The following ELMOD1 variants were observed in gnomAD, a reference collection of about 807,000 sequenced individuals.
ELMOD1 encodes ELMO domain-containing protein 1.
In ELMOD1, 21 loss-of-function variants were observed where a neutral mutation model predicts 46.7. That is an observed-to-expected ratio of 0.45 (90% confidence interval 0.32 to 0.65). ELMOD1 has a LOEUF of 0.65. Ranked by LOEUF, ELMOD1 falls within the 30% of genes least tolerant of loss-of-function variation. The pLI is 0.04. For missense variants in ELMOD1, 348 were observed against 407.8 expected (o/e 0.85, Z 1.26); for synonymous variants, 122 against 138.2 (o/e 0.88, Z 0.82).
intron 2 of ELMOD1, among the ~76,000 whole-genome samples, 180 bp from the exon 3 acceptor site, chr11:107,630,237 C>A (rs1457923950): frequency 6.6e-6 from 1 of 152,204 alleles, no homozygotes; most frequent in Non-Finnish European, 1.5e-5. Flanking sequence ...GAGTTTCTTA[C>A]AGTCATAGTA....
intron 5 of ELMOD1, among the ~76,000 whole-genome samples, chr11:107,633,387 G>A (rs1565381353): frequency 6.6e-6 from 1 of 152,106 alleles, no homozygotes; most frequent in Admixed American, 6.6e-5. Flanking sequence ...TTTAAGTGCT[G>A]CTTATGGTGG....
intron 1 of ELMOD1, among the ~76,000 whole-genome samples, chr11:107,605,463 A>T (rs1865669830): frequency 6.6e-6 from 1 of 152,184 alleles, no homozygotes; most frequent in Non-Finnish European, 1.5e-5. Context: ...AGCCTTCAAA[A>T]GTGCTGGGAT....
intron 1 of ELMOD1, among the ~76,000 whole-genome samples, chr11:107,595,348 G>A (rs1591094663): frequency 1.3e-5 from 2 of 152,046 alleles, no homozygotes; most frequent in African/African-American, 4.8e-5. Context: ...GCAGAAAACA[G>A]TTCTACTTCA....
At chr11:107,602,610 C>G (rs1191225165) in intron 1 of ELMOD1, among the ~76,000 whole-genome samples, 1 of 151,866 alleles carries the variant, frequency 6.6e-6, no homozygotes, top group Non-Finnish European at 1.5e-5. Context: ...TTAAAGTTCC[C>G]TTTTATTGAT....
chr11:107,652,202 A>G (rs1866537824), intron 9 of ELMOD1, among the ~76,000 whole-genome samples: 1 of 152,226 alleles, frequency 6.6e-6, no homozygotes, highest in South Asian at 2.1e-4. Flanking sequence ...TGATTATGAT[A>G]TCAACGTAGG....
At chr11:107,653,290 A>T (rs1866557612) in intron 9 of ELMOD1, 1 of 152,196 alleles carries the variant, frequency 6.6e-6, no homozygotes, top group East Asian at 1.9e-4. Flanking sequence ...GTGAGCTGAG[A>T]TTGCACCACC....
chr11:107,602,025 T>G (rs148724749), intron 1 of ELMOD1, among the ~76,000 whole-genome samples: 1 of 152,318 alleles, frequency 6.6e-6, no homozygotes, highest in East Asian at 1.9e-4. Context: ...GTGGAAAGCT[T>G]TCTTTGGAAG....
intron 1 of ELMOD1, among the ~76,000 whole-genome samples, chr11:107,608,919 A>G (rs12281067): frequency 0.12 from 18,679 of 152,116 alleles, 1,430 homozygotes; most frequent in African/African-American, 0.22. Context: ...TCTCATGTCA[A>G]TCCAGAGGTT....
At chr11:107,640,841 G>A (rs528214956) in intron 6 of ELMOD1, among the ~76,000 whole-genome samples, 21 of 152,238 alleles carry the variant, frequency 1.4e-4, no homozygotes, top group African/African-American at 4.8e-4. Context: ...TTAGGACACT[G>A]AATTATAACA....
In ELMOD1 at chr11:107,665,236, C is replaced by A. The variant is rs760786319; in HGVS notation, c.*39C>A. ...TTTTAATGGATACCCTGGAACACTGCCTCATTGTCTTGTTAGATCTCTGCT... is the reference window on the plus strand; with the variant it reads ...TTTTAATGGATACCCTGGAACACTGACTCATTGTCTTGTTAGATCTCTGCT... On this transcript the variant is annotated 3_prime_UTR_variant, in exon 12 of 12. Transcript: ENST00000265840. 3.8e-6 allele frequency: 6 copies of A among 1,595,894 alleles called. No homozygotes were observed. The South Asian group carries it at 6.8e-5, about 18-fold the overall frequency.
intron 6 of ELMOD1, among the ~76,000 whole-genome samples, chr11:107,639,680 A>C (rs1187428254): frequency 3.3e-5 from 5 of 152,224 alleles, no homozygotes; most frequent in Non-Finnish European, 5.9e-5. Flanking sequence ...AGAGTTCAGC[A>C]GAGAGAGCAG....
rs1866123353 is a variant in ELMOD1, at chr11:107,630,797, A to C, written c.192+69A>C. On this transcript the variant is annotated intron_variant, in intron 4 of 11. Transcript: ENST00000265840. Reference sequence around the variant, plus strand: ...CTTACCTTTATCATAAGAAGTAAAAATTCTAAGAAACCAAAATATACCACT... The same window carrying C: ...CTTACCTTTATCATAAGAAGTAAAACTTCTAAGAAACCAAAATATACCACT... 2.7e-6 allele frequency: 4 copies of C among 1,504,852 alleles called. No individual in the cohort carries two copies. In the Admixed American group the frequency reaches 8.9e-5, roughly 33 times the overall value. The allele number at this position is 1,504,852 out of a possible 1,614,324, so 93.2% of individuals were successfully genotyped here.
At chr11:107,618,652 C>T (rs981494292) in intron 2 of ELMOD1, among the ~76,000 whole-genome samples, 3 of 152,062 alleles carry the variant, frequency 2.0e-5, no homozygotes, top group Admixed American at 6.6e-5. Flanking sequence ...ATTTTGTGGG[C>T]GGTCAAACTA....
chr11:107,643,459 C>A (rs370294155), intron 6 of ELMOD1: 23 of 296,190 alleles, frequency 7.8e-5, no homozygotes, highest in Admixed American at 1.3e-4. Context: ...TTTATACTAA[C>A]CCTGCTGGGG....
chr11:107,651,111 A>C (rs976026934), intron 9 of ELMOD1, among the ~76,000 whole-genome samples: 1 of 152,192 alleles, frequency 6.6e-6, no homozygotes, highest in Non-Finnish European at 1.5e-5. Context: ...GAAAATGTCA[A>C]ACAGTCTTTC....
chr11:107,632,980 G>A (rs905757851), intron 5 of ELMOD1, among the ~76,000 whole-genome samples: 1 of 152,134 alleles, frequency 6.6e-6, no homozygotes, highest in African/African-American at 2.4e-5. Flanking sequence ...AGATTCCATA[G>A]CTGACTTCAT....
chr11:107,642,180 G>A (rs750717429), intron 6 of ELMOD1, among the ~76,000 whole-genome samples: 1 of 151,922 alleles, frequency 6.6e-6, no homozygotes, highest in Non-Finnish European at 1.5e-5. Flanking sequence ...CTGACCTCAT[G>A]ATCCACCTGC....
At position 107,593,592 on chromosome 11, in the gene ELMOD1, C is replaced by T. The variant is rs1565365580; in HGVS notation, c.-86+2183C>T. Among the ~76,000 whole-genome samples, 4 of 152,194 alleles carry T rather than the reference C, an allele frequency of 2.6e-5. No individual in the cohort carries two copies. The South Asian group carries it at 6.2e-4, about 24-fold the overall frequency. On this transcript the variant is annotated intron_variant, in intron 1 of 11. Transcript: ENST00000265840. ...AAATCCCCAGGTGCATTAAAGGAAGCGTTCTCCGAGTCCTCTGAGAATTTT... is the reference window on the plus strand; with the variant it reads ...AAATCCCCAGGTGCATTAAAGGAAGTGTTCTCCGAGTCCTCTGAGAATTTT...
chr11:107,608,018 T>TA lies in ELMOD1; in HGVS notation c.-85-10072dup, dbSNP rs34472766. Among the ~76,000 whole-genome samples, 465 of 83,336 alleles carry TA rather than the reference T, an allele frequency of 5.6e-3. 2 individuals carry two copies. The highest frequency in any genetic ancestry group is 7.4e-3 in the African/African-American group (197 of 26,778). The allele number at this position is 83,336 out of a possible 152,430, so 54.7% of individuals were successfully genotyped here. ...GTTTTGTTTTGTTTTTCATTAGTGC[T>TA]AAAAAAAAAAAAAAAGAAAAAAAAA... On this transcript the variant is annotated intron_variant, in intron 1 of 11. Transcript: ENST00000265840.
Sources: allele counts gnomAD v4.1 joint callset (sites outside exome capture counted in the v4.1 genomes callset), GRCh38; gene constraint gnomAD v4.1.1; transcripts MANE v1.5; gene names NCBI Gene and HGNC (gene_info 2026-07-23, HGNC 2026-07-21).